ENOX1: variants seen among roughly 807,000 people sequenced by gnomAD.
The protein encoded by ENOX1 is candidate growth-related and time keeping constitutive hydroquinone (NADH) oxidase.
Under a neutral mutation model 82.5 loss-of-function variants are expected in ENOX1, and 42 were observed. The observed-to-expected ratio is 0.51, with a 90% CI of 0.40 to 0.66. ENOX1 has a LOEUF of 0.66. Ranked by LOEUF, ENOX1 falls within the 30% of genes least tolerant of loss-of-function variation. The pLI, the probability that ENOX1 is intolerant of heterozygous loss-of-function variation, is 0.00. For synonymous variants in ENOX1, 271 were observed against 282.2 expected (o/e 0.96, Z 0.40); for missense variants, 608 against 811.6 (o/e 0.75, Z 3.05).
At chr13:43,677,889 T>A (rs2085590169) in intron 1 of ENOX1, among the ~76,000 whole-genome samples, 1 of 152,194 alleles carries the variant, frequency 6.6e-6, no homozygotes, top group Non-Finnish European at 1.5e-5. Context: ...TATTTATTTT[T>A]AGGTTTCATT....
chr13:43,612,550 C>T (rs993065686), intron 2 of ENOX1, among the ~76,000 whole-genome samples: 1 of 152,116 alleles, frequency 6.6e-6, no homozygotes, highest in African/African-American at 2.4e-5. Flanking sequence ...ATTCAGGGTA[C>T]CTTCCAAAAG....
In ENOX1 at chr13:43,326,922, A is replaced by G. The variant is rs545728289; in HGVS notation, c.1037-397T>C. On this transcript the variant is annotated intron_variant, in intron 9 of 16. Transcript: ENST00000690772. ...GGTGCAGAGAAGTGAAGTCAGGGAG[A>G]AGTGGCTGAACGAGGAAGAGCCAAA... Among the ~76,000 whole-genome samples, 4 of 152,236 alleles carry G rather than the reference A, an allele frequency of 2.6e-5. No homozygotes were observed. In the East Asian group the frequency reaches 7.7e-4, roughly 29 times the overall value.
At chr13:43,450,392 C>T (rs540922793) in intron 3 of ENOX1, among the ~76,000 whole-genome samples, 72 of 152,206 alleles carry the variant, frequency 4.7e-4, no homozygotes, top group African/African-American at 1.3e-3. Context: ...TATTCAAGTA[C>T]GACGAGGCCA....
intron 1 of ENOX1, among the ~76,000 whole-genome samples, chr13:43,748,707 A>G (rs761808836): frequency 6.6e-6 from 1 of 152,228 alleles, no homozygotes; most frequent in East Asian, 1.9e-4. Context: ...AAAATACTAA[A>G]TAATGGATAC....
At position 43,230,839 on chromosome 13, in the gene ENOX1, G is replaced by A. The variant is rs138520410; in HGVS notation, c.1714+5797C>T. Among the ~76,000 whole-genome samples the A allele has an allele frequency of 2.6e-4, 40 of 152,290 alleles. No individual in the cohort carries two copies. The East Asian group carries it at 6.2e-3, about 23-fold the overall frequency. On this transcript the variant is annotated intron_variant, in intron 15 of 16. Transcript: ENST00000690772. ...TATAGTTTAATTATATTGGTTACCC[G>A]ATGAGAATAAACTATCACTTTGTGC...
intron 2 of ENOX1, among the ~76,000 whole-genome samples, chr13:43,643,611 G>A (rs1382414385): frequency 6.7e-6 from 1 of 150,028 alleles, no homozygotes; most frequent in Non-Finnish European, 1.5e-5. Flanking sequence ...GTATGTGCAT[G>A]TATATGTATG....
rs530721715 is a variant in ENOX1, at chr13:43,483,690, T to C, written c.-75+319A>G. Among the ~76,000 whole-genome samples the C allele has an allele frequency of 3.0e-4, 46 of 152,310 alleles. No individual in the cohort carries two copies. The South Asian group carries it at 8.5e-3, about 28-fold the overall frequency. Reference sequence around the variant, plus strand: ...ATTGAAAGTACTTAACTAAATCTGATATATGTAGATGCTTGGCATAAATTT... The same window carrying C: ...ATTGAAAGTACTTAACTAAATCTGACATATGTAGATGCTTGGCATAAATTT... On this transcript the variant is annotated intron_variant, in intron 3 of 16. Coordinates refer to ENST00000690772, the MANE Select transcript of ENOX1 (RefSeq NM_001347969.2).
intron 2 of ENOX1, among the ~76,000 whole-genome samples, chr13:43,502,161 A>G (rs1489781951): frequency 1.3e-5 from 2 of 151,656 alleles, no homozygotes; most frequent in African/African-American, 4.8e-5. Flanking sequence ...AGGACCTACC[A>G]CACTGAATCA....
chr13:43,693,108 GA>G (rs977814920), intron 1 of ENOX1, among the ~76,000 whole-genome samples: 39 of 151,944 alleles, frequency 2.6e-4, no homozygotes, highest in African/African-American at 9.4e-4. Flanking sequence ...TGTACAACAA[GA>G]AAAAAACTTA....
chr13:43,306,472 A>G (rs1395837474), intron 11 of ENOX1, among the ~76,000 whole-genome samples: 1 of 152,220 alleles, frequency 6.6e-6, no homozygotes, highest in East Asian at 1.9e-4. Context: ...AGGCTTAGCT[A>G]AGCCAAGCTA....
intron 2 of ENOX1, among the ~76,000 whole-genome samples, chr13:43,543,106 G>A (rs1424800210): frequency 3.9e-5 from 6 of 152,182 alleles, no homozygotes; most frequent in Non-Finnish European, 8.8e-5. Flanking sequence ...GGGCTGAGAG[G>A]AGGGGAGTAT....
intron 15 of ENOX1, among the ~76,000 whole-genome samples, chr13:43,231,953 C>A (rs1023288217): frequency 6.6e-6 from 1 of 152,094 alleles, no homozygotes; most frequent in Non-Finnish European, 1.5e-5. Flanking sequence ...TTGACAGGGT[C>A]TCACTCTATC....
At chr13:43,359,460 G>T (rs191578189) in intron 7 of ENOX1, among the ~76,000 whole-genome samples, 2 of 152,358 alleles carry the variant, frequency 1.3e-5, no homozygotes, top group African/African-American at 2.4e-5. Flanking sequence ...CCTTGCTTTG[G>T]TACCTTGGTG....
At chr13:43,543,649 G>T (rs2078841493) in intron 2 of ENOX1, among the ~76,000 whole-genome samples, 1 of 147,070 alleles carries the variant, frequency 6.8e-6, no homozygotes, top group African/African-American at 2.5e-5. Context: ...CTTTATTTCT[G>T]TTACCCATAA....
intron 12 of ENOX1, among the ~76,000 whole-genome samples, chr13:43,278,004 G>C (rs2045157388): frequency 6.6e-6 from 1 of 152,124 alleles, no homozygotes; most frequent in South Asian, 2.1e-4. Flanking sequence ...TAGGAGTTAA[G>C]CAGGTACAAT....
At chr13:43,685,407 G>C (rs577584151) in intron 1 of ENOX1, among the ~76,000 whole-genome samples, 1 of 152,086 alleles carries the variant, frequency 6.6e-6, no homozygotes, top group African/African-American at 2.4e-5. Flanking sequence ...TTTCTCAGGG[G>C]AGCCCAGGTG....
chr13:43,400,748 T>G (rs888870906), intron 5 of ENOX1, among the ~76,000 whole-genome samples: 1 of 152,240 alleles, frequency 6.6e-6, no homozygotes, highest in Non-Finnish European at 1.5e-5. Flanking sequence ...TAAATTTCAA[T>G]GTAATACAAA....
At position 43,703,599 on chromosome 13, in the gene ENOX1, AG is replaced by A. The variant is rs147672832; in HGVS notation, c.-284-36056del. On this transcript the variant is annotated intron_variant, in intron 1 of 16. Coordinates refer to ENST00000690772, the MANE Select transcript of ENOX1 (RefSeq NM_001347969.2). ...TAGAATATCTCAATAACATTTCTTGAGAGTAGATTTTATTCAGTAGATGACA... is the reference window on the plus strand; with the variant it reads ...TAGAATATCTCAATAACATTTCTTGAAGTAGATTTTATTCAGTAGATGACA... Among the ~76,000 whole-genome samples, 1,362 of 152,274 alleles carry A rather than the reference AG, an allele frequency of 8.9e-3. 20 individuals are homozygous for A. The highest frequency in any genetic ancestry group is 0.031 in the African/African-American group (1,290 of 41,554).
At chr13:43,374,744 C>T (rs531107269) in intron 5 of ENOX1, among the ~76,000 whole-genome samples, 1 of 152,132 alleles carries the variant, frequency 6.6e-6, no homozygotes. Context: ...ATATCTCCAC[C>T]AGATTCTTCC....
Sources: allele counts gnomAD v4.1 joint callset (sites outside exome capture counted in the v4.1 genomes callset), GRCh38; gene constraint gnomAD v4.1.1; transcripts MANE v1.5; gene names NCBI Gene and HGNC (gene_info 2026-07-23, HGNC 2026-07-21).